Variants in ZNF423 observed in about 807,000 individuals in gnomAD.
ZNF423 encodes the protein zinc finger protein 423, also known as Ebf-associated zinc finger protein.
ZNF423 carries 12 observed loss-of-function variants against 95.8 expected under a neutral mutation model. The observed-to-expected ratio is 0.13, with a 90% CI of 0.08 to 0.20. ZNF423 has a LOEUF of 0.20. ZNF423 is among the 10% of genes least tolerant of loss of function. The pLI is 1.00. For synonymous variants in ZNF423, 749 were observed against 711.9 expected (o/e 1.05, Z -0.83); for missense variants, 1,316 against 1,737.1 (o/e 0.76, Z 4.31).
In ZNF423 at chr16:49,638,048, G is replaced by T. The variant is rs1972814241; in HGVS notation, c.1128C>A (p.Ser376Arg). The change falls in exon 4 of 8, where the codon AGC becomes AGA. Residue 376 changes from serine (S) to arginine (R), a missense_variant. Physicochemically the swap from Ser to Arg is moderately radical, Grantham distance 110. Around this residue, in one of 6 missense-constraint regions of ZNF423, gnomAD observed 399 missense variants for 478.5 expected, o/e 0.83. Coordinates refer to ENST00000563137, the MANE Select transcript of ZNF423 (RefSeq NM_001379286.1). This position sits in a 1 kb window ranked among gnomAD's most constrained non-coding sequence, Gnocchi z 5.6. ...DPVLGSVASM[S>R]SATPDSSASV... is the part of the protein sequence containing the mutation. ...AGGCGCTGGAGTCGGGTGTGGCGCTGCTCATGGAGGCCACGCTGCCCAGTA... is the reference window on the plus strand; with the variant it reads ...AGGCGCTGGAGTCGGGTGTGGCGCTTCTCATGGAGGCCACGCTGCCCAGTA... The T allele has an allele frequency of 6.2e-7, 1 of 1,613,866 alleles. No homozygotes were observed. Among genetic ancestry groups the T allele is most frequent in the Admixed American group, 1.7e-5 (1 of 59,984 alleles).
chr16:49,802,322 C>T (rs1285274233), intron 1 of ZNF423, among the ~76,000 whole-genome samples: 1 of 152,146 alleles, frequency 6.6e-6, no homozygotes, highest in Non-Finnish European at 1.5e-5. Flanking sequence ...CCCCAGGAGA[C>T]CCTAAGAAGA....
At position 49,637,689 on chromosome 16, in the gene ZNF423, A is replaced by G. The variant is rs1394525022; in HGVS notation, c.1487T>C (p.Met496Thr). Residue 496 changes from methionine to threonine, a missense_variant, in exon 4 of 8, where the codon ATG becomes ACG. By Grantham distance (81) the Met-to-Thr change is moderately conservative (BLOSUM62 -1). Transcript: ENST00000563137. This position sits in a 1 kb window ranked among gnomAD's most constrained non-coding sequence, Gnocchi z 5.6. Reference sequence around the variant, plus strand: ...CTGCAGGCTATTGATGTCGGCGAACATCTCGGGGCAGTAGTTGCAGTGGAA... The same window carrying G: ...CTGCAGGCTATTGATGTCGGCGAACGTCTCGGGGCAGTAGTTGCAGTGGAA... ...SAFHCNYCPE[M>T]FADINSLQEH... The G allele has an allele frequency of 2.5e-6, 4 of 1,614,142 alleles. No individual in the cohort carries two copies. The highest frequency in any genetic ancestry group is 2.5e-6 in the Non-Finnish European group (3 of 1,180,050).
At chr16:49,746,042 C>T (rs1473644830) in intron 2 of ZNF423, among the ~76,000 whole-genome samples, 2 of 152,114 alleles carry the variant, frequency 1.3e-5, no homozygotes, top group Admixed American at 6.6e-5. Context: ...TTCATCTGAG[C>T]TTTGTCCCTA....
intron 1 of ZNF423, among the ~76,000 whole-genome samples, chr16:49,838,776 C>T (rs2035149584): frequency 6.6e-6 from 1 of 151,826 alleles, no homozygotes; most frequent in African/African-American, 2.4e-5. Context: ...GCTGCGCAGC[C>T]TGCGCCTTCC....
At chr16:49,708,900 G>A (rs939315327) in intron 3 of ZNF423, among the ~76,000 whole-genome samples, 6 of 152,050 alleles carry the variant, frequency 3.9e-5, no homozygotes, top group Non-Finnish European at 8.8e-5. Flanking sequence ...ATGAATGAAT[G>A]AACTAATAAC....
chr16:49,676,836 G>A (rs968062456), intron 3 of ZNF423, among the ~76,000 whole-genome samples: 1 of 152,198 alleles, frequency 6.6e-6, no homozygotes, highest in African/African-American at 2.4e-5. Context: ...AAAGGAGTGG[G>A]GATGGTGGAC....
chr16:49,622,320 C>T (rs969490536), intron 5 of ZNF423, among the ~76,000 whole-genome samples: 33 of 152,202 alleles, frequency 2.2e-4, no homozygotes, highest in Admixed American at 5.9e-4. Context: ...CACTTGGTAT[C>T]GGAGGTGCTC....
intron 2 of ZNF423, among the ~76,000 whole-genome samples, chr16:49,769,154 G>A (rs921936605): frequency 2.0e-5 from 3 of 152,036 alleles, no homozygotes; most frequent in South Asian, 2.1e-4. Flanking sequence ...TCAGGAGTTC[G>A]AGACCTGCCT....
chr16:49,832,580 A>C (rs2035072371), intron 1 of ZNF423, among the ~76,000 whole-genome samples: 2 of 152,200 alleles, frequency 1.3e-5, no homozygotes, highest in South Asian at 4.1e-4. Flanking sequence ...AAGAGGGGGA[A>C]GGGTACAGCC....
intron 1 of ZNF423, among the ~76,000 whole-genome samples, chr16:49,808,886 C>T (rs963929878): frequency 2.0e-5 from 3 of 152,178 alleles, no homozygotes; most frequent in Non-Finnish European, 4.4e-5. Flanking sequence ...GAGAGACCCA[C>T]CAGGCTGCGG....
intron 2 of ZNF423, among the ~76,000 whole-genome samples, chr16:49,759,905 G>T (rs982346689): frequency 6.6e-6 from 1 of 151,908 alleles, no homozygotes; most frequent in Non-Finnish European, 1.5e-5. Context: ...CGAGTTGTGG[G>T]TGTTCCCCTG....
chr16:49,556,733 C>CGT (rs1165967689), intron 5 of ZNF423, among the ~76,000 whole-genome samples: 1 of 152,090 alleles, frequency 6.6e-6, no homozygotes, highest in African/African-American at 2.4e-5. Flanking sequence ...GTAAATGCCT[C>CGT]GTGTACTTAT....
chr16:49,688,975 C>G (rs1358744777), intron 3 of ZNF423, among the ~76,000 whole-genome samples: 1 of 152,200 alleles, frequency 6.6e-6, no homozygotes, highest in Non-Finnish European at 1.5e-5. Context: ...GCCACCTGCA[C>G]TACCCTGGCT....
At chr16:49,604,187 C>G (rs1359096657) in intron 5 of ZNF423, among the ~76,000 whole-genome samples, 1 of 152,246 alleles carries the variant, frequency 6.6e-6, no homozygotes, top group Non-Finnish European at 1.5e-5. Flanking sequence ...CCCCTCACCA[C>G]TGTCTCTCAA....
intron 2 of ZNF423, among the ~76,000 whole-genome samples, chr16:49,784,866 C>G (rs2034284120): frequency 6.6e-6 from 1 of 151,264 alleles, no homozygotes; most frequent in South Asian, 2.1e-4. Context: ...AGGAGAATCG[C>G]TTGAACCCGG....
intron 1 of ZNF423, among the ~76,000 whole-genome samples, chr16:49,848,737 G>A (rs992115974): frequency 6.6e-6 from 1 of 152,122 alleles, no homozygotes; most frequent in Non-Finnish European, 1.5e-5. Flanking sequence ...GCGAATACAG[G>A]CTCTTGTCTG....
chr16:49,516,176 C>G (rs950199292), intron 7 of ZNF423, among the ~76,000 whole-genome samples: 2 of 152,194 alleles, frequency 1.3e-5, no homozygotes, highest in African/African-American at 4.8e-5. Context: ...CCCTTTATGC[C>G]CCGTCTCACT....
chr16:49,754,045 A>AT (rs1369369052), intron 2 of ZNF423, among the ~76,000 whole-genome samples: 2 of 151,150 alleles, frequency 1.3e-5, no homozygotes, highest in African/African-American at 4.9e-5. Context: ...AAAAAAAAAA[A>AT]GCCAGGCATT....
intron 3 of ZNF423, among the ~76,000 whole-genome samples, chr16:49,695,915 A>C (rs2031953326): frequency 6.6e-6 from 1 of 152,202 alleles, no homozygotes; most frequent in Non-Finnish European, 1.5e-5. Context: ...TCCTCCCTAC[A>C]ACCCTGAGGT....
Sources: allele counts gnomAD v4.1 joint callset (sites outside exome capture counted in the v4.1 genomes callset), GRCh38; gene constraint gnomAD v4.1.1; regional missense constraint gnomAD v4.1.1; non-coding constraint Gnocchi (gnomAD v3.1); transcripts MANE v1.5; gene names NCBI Gene and HGNC (gene_info 2026-07-23, HGNC 2026-07-21).